The following CCDC57 variants were observed in gnomAD, a reference collection of about 807,000 sequenced individuals.
The protein encoded by CCDC57 is coiled-coil domain-containing protein 57.
In CCDC57, 118 loss-of-function variants were observed where a neutral mutation model predicts 118.9. That is an observed-to-expected ratio of 0.99 (90% CI 0.86 to 1.16). The LOEUF is 1.16. Ranked by LOEUF, CCDC57 falls within the 50% of genes most tolerant of loss-of-function variation. The pLI is 0.00. For missense variants in CCDC57, 1,300 were observed against 1,320.7 expected (o/e 0.98, Z 0.24); for synonymous variants, 527 against 532.9 (o/e 0.99, Z 0.15).
chr17:82,164,288 C>T (rs915408940), intron 13 of CCDC57, among the ~76,000 whole-genome samples: 4 of 151,428 alleles, frequency 2.6e-5, no homozygotes, highest in African/African-American at 4.9e-5. Context: ...GGCTGAGGCA[C>T]GAGAATCGAT....
intron 3 of CCDC57, among the ~76,000 whole-genome samples, chr17:82,199,980 C>T (rs917716872): frequency 9.9e-5 from 15 of 152,204 alleles, no homozygotes; most frequent in African/African-American, 3.4e-4. Context: ...GACGGTGGCG[C>T]TCAGGGTACA....
chr17:82,195,465 G>A (rs1599382775), intron 4 of CCDC57, 101 bp from the exon 4 acceptor site: 1 of 867,422 alleles, frequency 1.2e-6, no homozygotes, highest in Non-Finnish European at 1.9e-6. Context: ...AGGACACAGT[G>A]TTTAACAGAG....
At chr17:82,189,325 G>A (rs899800196) in intron 7 of CCDC57, among the ~76,000 whole-genome samples, 8 of 148,666 alleles carry the variant, frequency 5.4e-5, no homozygotes, top group Non-Finnish European at 9.0e-5. Context: ...AAAGATTTAC[G>A]TGTTGATTTC....
chr17:82,151,897 G>C, intron 15 of CCDC57, 124 bp from the exon 15 acceptor site: 1 of 768,278 alleles, frequency 1.3e-6, no homozygotes, highest in Non-Finnish European at 2.0e-6. Context: ...CTGTCACTGG[G>C]TGACATCCTT....
At chr17:82,101,887 A>C (rs1268051945) in intron 19 of CCDC57, 21 bp from the exon 19 acceptor site, 1 of 1,542,318 alleles carries the variant, frequency 6.5e-7, no homozygotes, top group South Asian at 1.2e-5. Context: ...AAGAGGAAAA[A>C]ACAGCATGCA....
chr17:82,116,102 C>CTTTTTT (rs34960755), intron 19 of CCDC57, among the ~76,000 whole-genome samples: 3 of 127,824 alleles, frequency 2.3e-5, no homozygotes, highest in Non-Finnish European at 4.8e-5. Context: ...CGGCCACAAC[C>CTTTTTT]TTTTTTTTTT....
chr17:82,206,584 T>C (rs1424871856), intron 2 of CCDC57, among the ~76,000 whole-genome samples: 1 of 152,128 alleles, frequency 6.6e-6, no homozygotes, highest in Non-Finnish European at 1.5e-5. Flanking sequence ...CCAGGAAGCC[T>C]CTTCCCCCAT....
At chr17:82,108,589 C>CA (rs1336888523) in intron 19 of CCDC57, among the ~76,000 whole-genome samples, 1 of 152,026 alleles carries the variant, frequency 6.6e-6, no homozygotes, top group Non-Finnish European at 1.5e-5. Context: ...TTTTCATTCA[C>CA]AAAAAAATCT....
intron 14 of CCDC57, among the ~76,000 whole-genome samples, chr17:82,160,857 C>T (rs1174897262): frequency 9.7e-6 from 1 of 103,526 alleles, no homozygotes; most frequent in Non-Finnish European, 1.7e-5. Flanking sequence ...CTGGGCGACA[C>T]AGCAAGACTC....
intron 7 of CCDC57, among the ~76,000 whole-genome samples, chr17:82,190,920 A>T (rs149535349): frequency 0.014 from 2,151 of 151,398 alleles, 26 homozygotes; most frequent in Middle Eastern, 0.034. Context: ...CAGAAAGAAG[A>T]ACATCCTGAA....
rs80197163 is a variant in CCDC57, at chr17:82,139,177, C to T, written c.2456-4983G>A. ...GCATCTTTGAAAACAGCGTCAACGT[C>T]TTGGATTAACTTTGTCTAGAACTCT... On this transcript the variant is annotated intron_variant, in intron 16 of 19. Coordinates refer to ENST00000665763, the Ensembl canonical transcript of CCDC57. 2.1e-3 allele frequency among the ~76,000 whole-genome samples: 320 copies of T among 152,326 alleles called. 2 individuals carry two copies. Among genetic ancestry groups the T allele is most frequent in the African/African-American group, 7.3e-3 (303 of 41,572 alleles).
intron 14 of CCDC57, among the ~76,000 whole-genome samples, chr17:82,159,003 G>C (rs942150495): frequency 6.6e-6 from 1 of 152,176 alleles, no homozygotes; most frequent in Non-Finnish European, 1.5e-5. Flanking sequence ...GAGTAGCTGG[G>C]ACTACAGACG....
intron 19 of CCDC57, among the ~76,000 whole-genome samples, chr17:82,102,896 AAAAC>A (rs2034559893): frequency 1.3e-5 from 2 of 151,736 alleles, no homozygotes; most frequent in African/African-American, 2.4e-5. Flanking sequence ...AAAAAAAAAA[AAAAC>A]AAAAAAAACC....
At chr17:82,149,423 G>A (rs1359325429) in intron 16 of CCDC57, among the ~76,000 whole-genome samples, 1 of 152,046 alleles carries the variant, frequency 6.6e-6, no homozygotes, top group Non-Finnish European at 1.5e-5. Flanking sequence ...CGGTGTCTGT[G>A]TCCAAGATGC....
intron 19 of CCDC57, among the ~76,000 whole-genome samples, chr17:82,105,879 G>A (rs1228897416): frequency 6.6e-6 from 1 of 152,234 alleles, no homozygotes; most frequent in African/African-American, 2.4e-5. Flanking sequence ...CAGGGCTCTG[G>A]GCAGTCCTGC....
intron 7 of CCDC57, among the ~76,000 whole-genome samples, chr17:82,189,941 C>T (rs760546401): frequency 3.3e-5 from 5 of 151,788 alleles, no homozygotes; most frequent in Admixed American, 6.6e-5. Context: ...ACCCAGGAGG[C>T]GGAGGTTGCA....
intron 19 of CCDC57, among the ~76,000 whole-genome samples, chr17:82,102,377 C>G (rs1258569647): frequency 6.6e-6 from 1 of 152,252 alleles, no homozygotes; most frequent in Admixed American, 6.5e-5. Context: ...CACCACGTGG[C>G]CAGGCACAGG....
Position 82,151,824 on chromosome 17 carries a change from G to A in CCDC57, c.2242-51C>T, listed in dbSNP as rs537451204. ...CCCCTGTGAGGCTGCCCTCATGGGA[G>A]GACGCCAGGGGTGCCCACCCAAGGA... On this transcript the variant is annotated intron_variant, in intron 15 of 19. Transcript: ENST00000665763. The A allele has an allele frequency of 2.8e-5, 42 of 1,487,616 alleles. No homozygotes were observed. In the African/African-American group the frequency reaches 5.3e-4, roughly 19 times the overall value. The allele number at this position is 1,487,616 out of a possible 1,614,324, so 92.2% of individuals were successfully genotyped here.
chr17:82,127,187 C>T (rs2037569225), intron 19 of CCDC57: 1 of 985,348 alleles, frequency 1.0e-6, no homozygotes, highest in African/African-American at 1.7e-5. Context: ...CGCAGCAAAG[C>T]AGGACGAGGA....
Sources: allele counts gnomAD v4.1 joint callset (sites outside exome capture counted in the v4.1 genomes callset), GRCh38; gene constraint gnomAD v4.1.1; transcripts MANE v1.5; gene names NCBI Gene and HGNC (gene_info 2026-07-23, HGNC 2026-07-21).